Variants in OPN3 observed in about 807,000 individuals in gnomAD.
OPN3 encodes the protein opsin-3.
OPN3 carries 29 observed loss-of-function variants against 33.8 expected under a neutral mutation model. The observed-to-expected ratio is 0.86, with a 90% CI of 0.64 to 1.17. OPN3 has a LOEUF of 1.17. Ranked by LOEUF, OPN3 falls within the 50% of genes most tolerant of loss-of-function variation. The pLI is 0.00. For synonymous variants in OPN3, 216 were observed against 216.1 expected, an observed-to-expected ratio of 1.00 and a Z score of 0.00; for missense variants, 437 against 514.1, an observed-to-expected ratio of 0.85 and a Z score of 1.45.
At chr1:241,595,721 C>A (rs1663487248) in intron 3 of OPN3, 1 of 151,980 alleles carries the variant, frequency 6.6e-6, no homozygotes, top group Non-Finnish European at 1.5e-5. Context: ...GTCTTGAGCT[C>A]CAATCTTATG....
intron 1 of OPN3, among the ~76,000 whole-genome samples, chr1:241,609,465 C>T (rs1198396565): frequency 6.6e-6 from 1 of 152,228 alleles, no homozygotes; most frequent in Non-Finnish European, 1.5e-5. Flanking sequence ...AAAGTGATGT[C>T]TGTGCCTTCG....
rs2147991456 is a variant in OPN3, at chr1:241,593,798, T to C, written c.*630A>G. ...AGCTTTGAGTCTGTAGGGGCAGCAA[T>C]TTGGGGGAAGCAAATATATGGGAGT... On this transcript the variant is annotated 3_prime_UTR_variant, in exon 4 of 4. Coordinates refer to ENST00000366554, the MANE Select transcript of OPN3 (RefSeq NM_014322.3). 6.5e-6 allele frequency: 1 copy of C among 154,220 alleles called. No homozygotes were observed. Among genetic ancestry groups the C allele is most frequent in the East Asian group, 1.9e-4 (1 of 5,236 alleles). The allele number at this position is 154,220 out of a possible 1,614,324, so 9.6% of individuals were successfully genotyped here.
intron 1 of OPN3, among the ~76,000 whole-genome samples, chr1:241,627,297 A>G (rs539398797): frequency 9.4e-6 from 1 of 106,800 alleles, no homozygotes; most frequent in East Asian, 4.0e-4. Flanking sequence ...CTAAAGTTCC[A>G]GAAGCCACCA....
chr1:241,604,407 G>T lies in OPN3; in HGVS notation c.546C>A (p.Asp182Glu). The T allele has an allele frequency of 6.2e-7, 1 of 1,614,156 alleles. No individual in the cohort carries two copies. The highest frequency in any genetic ancestry group is 8.5e-7 in the Non-Finnish European group (1 of 1,180,032). ...PLLGWNRYIL[D>E]VHGLGCTVDW... ...CCACAGTGCAGCCTAGTCCGTGTAC[G>T]TCCAGGATGTACCTGTTCCATCCCA... The change falls in exon 2 of 4, where the codon GAC (aspartate) becomes GAA (glutamate). Residue 182 changes from aspartate to glutamate, a missense_variant. Asp to Glu is a conservative substitution (Grantham distance 45). Coordinates refer to ENST00000366554, the MANE Select transcript of OPN3 (RefSeq NM_014322.3).
chr1:241,638,384 T>C (rs1442030423), intron 1 of OPN3, among the ~76,000 whole-genome samples: 1 of 152,130 alleles, frequency 6.6e-6, no homozygotes, highest in Non-Finnish European at 1.5e-5. Context: ...AGTACACCCT[T>C]GTGTTCAAAC....
intron 1 of OPN3, 131 bp downstream of exon 1, chr1:241,639,751 G>T: frequency 1.0e-6 from 1 of 964,422 alleles, no homozygotes; most frequent in Non-Finnish European, 1.4e-6. Context: ...GCGGGGCGGT[G>T]TAGGGCGGGG....
At chr1:241,613,538 T>C (rs983194494) in intron 1 of OPN3, among the ~76,000 whole-genome samples, 2 of 152,222 alleles carry the variant, frequency 1.3e-5, no homozygotes, top group Non-Finnish European at 2.9e-5. Context: ...GTATGTTCTG[T>C]AACCATGTCT....
intron 1 of OPN3, among the ~76,000 whole-genome samples, chr1:241,608,313 T>C (rs1239396869): frequency 6.6e-6 from 1 of 152,234 alleles, no homozygotes; most frequent in Non-Finnish European, 1.5e-5. Flanking sequence ...GGTATGAGCA[T>C]ATCATGTTCA....
At chr1:241,632,629 A>G (rs1664689166) in intron 1 of OPN3, 1 of 152,192 alleles carries the variant, frequency 6.6e-6, no homozygotes. Context: ...TACTCTGGAT[A>G]ACAGCTAAGA....
chr1:241,623,556 T>C (rs945043566), intron 1 of OPN3, among the ~76,000 whole-genome samples: 3 of 152,212 alleles, frequency 2.0e-5, no homozygotes, highest in African/African-American at 7.2e-5. Flanking sequence ...TCCAGAGCCA[T>C]CTACTGATCA....
rs1663432611 is a variant in OPN3, at chr1:241,594,430, A to G, written c.1207T>C (p.Ter403GlnextTer2). 1.2e-6 allele frequency: 2 copies of G among 1,610,854 alleles called. No individual in the cohort carries two copies. The highest frequency in any genetic ancestry group is 1.7e-6 in the Non-Finnish European group (2 of 1,177,464). ...TCTTTCGTTGCCATTCTTCATTCCTACAAAGGACGAACTTGGATTACATCA... is the reference window on the plus strand; with the variant it reads ...TCTTTCGTTGCCATTCTTCATTCCTGCAAAGGACGAACTTGGATTACATCA... ...KVDVIQVRPL[*>Q] Residue 403 changes from the stop codon to glutamine (Q), a stop_lost, in exon 4 of 4, where the codon TAG becomes CAG. Transcript: ENST00000366554.
Position 241,640,369 on chromosome 1 carries a change from T to A in OPN3, c.-115A>T. 6.9e-6 allele frequency: 7 copies of A among 1,007,378 alleles called. No individual in the cohort carries two copies. The highest frequency in any genetic ancestry group is 8.4e-6 in the Non-Finnish European group (7 of 836,204). The allele number at this position is 1,007,378 out of a possible 1,614,324, so 62.4% of individuals were successfully genotyped here. A position where few individuals can be genotyped will look rare whatever the true frequency, so the allele number is the denominator to read the frequency against. On this transcript the variant is annotated 5_prime_UTR_variant, in exon 1 of 4. Transcript: ENST00000366554. ...GCCGCCTGCTCTAGCCATTGTGCAC[T>A]GAGGGGCCCGCGCTACCGCGCGCCG...
At chr1:241,620,113 T>A (rs1664236584) in intron 1 of OPN3, among the ~76,000 whole-genome samples, 1 of 150,312 alleles carries the variant, frequency 6.7e-6, no homozygotes, top group South Asian at 2.1e-4. Flanking sequence ...GGGGTGGGGG[T>A]GTTAAATAAA....
intron 3 of OPN3, chr1:241,594,938 T>C (rs1203666126): frequency 2.3e-6 from 1 of 434,894 alleles, no homozygotes; most frequent in Non-Finnish European, 4.1e-6. Context: ...CCTCCAAGCT[T>C]CAATCTGCAC....
chr1:241,635,148 C>A (rs1558447999), intron 1 of OPN3: 6 of 1,612,784 alleles, frequency 3.7e-6, no homozygotes, highest in Non-Finnish European at 5.1e-6. Context: ...TCGGCCTTAT[C>A]TTCTACTGTA....
At chr1:241,618,315 T>C (rs1664189560) in intron 1 of OPN3, among the ~76,000 whole-genome samples, 1 of 152,230 alleles carries the variant, frequency 6.6e-6, no homozygotes, top group South Asian at 2.1e-4. Context: ...AGGAGATGGT[T>C]TAAAATGCTG....
At position 241,639,870 on chromosome 1, in the gene OPN3, A is replaced by T; in HGVS notation, c.373+12T>A. The T allele has an allele frequency of 6.5e-7, 1 of 1,540,188 alleles. No homozygotes were observed. Among genetic ancestry groups the T allele is most frequent in the Non-Finnish European group, 8.8e-7 (1 of 1,141,688 alleles). ...TGCAGAGGGGAGGCTGCCTTCTCCC[A>T]GTCCAACTCACCGAAGAGGCTGCCG... On this transcript the variant is annotated intron_variant, in intron 1 of 3. Coordinates refer to ENST00000366554, the MANE Select transcript of OPN3 (RefSeq NM_014322.3).
chr1:241,635,900 G>T (rs936982663), intron 1 of OPN3: 3 of 823,568 alleles, frequency 3.6e-6, no homozygotes, highest in Non-Finnish European at 5.6e-6. Flanking sequence ...GCTGTTTAAC[G>T]GTTACCCTTT....
At chr1:241,627,212 G>A (rs1221333789) in intron 1 of OPN3, among the ~76,000 whole-genome samples, 4 of 151,942 alleles carry the variant, frequency 2.6e-5, no homozygotes, top group Admixed American at 2.6e-4. Context: ...TCTTTCAATC[G>A]GAGTTGGCCC....
Sources: gnomAD v4.1 joint callset for allele counts (sites outside exome capture counted in the v4.1 genomes callset) on GRCh38, gnomAD v4.1.1 for gene constraint, MANE v1.5 for transcripts, NCBI Gene and HGNC (gene_info 2026-07-23, HGNC 2026-07-21) for gene names.